Variants in GAN observed in about 807,000 individuals in gnomAD.
GAN encodes the protein epididymis secretory sperm binding protein.
In GAN, 48 loss-of-function variants were observed where a neutral mutation model predicts 71.3. The observed-to-expected ratio is 0.67, with a 90% CI of 0.53 to 0.86. GAN has a LOEUF of 0.86. GAN is among the 40% of genes least tolerant of loss of function. The pLI is 0.00. For synonymous variants in GAN, 386 were observed against 276.8 expected (o/e 1.39, Z -3.92); for missense variants, 928 against 770.1 (o/e 1.21, Z -2.43).
Position 81,381,917 on chromosome 16 carries a change from A to G in GAN, c.*4321A>G, listed in dbSNP as rs1245845300. ...CGGCCTCCTATATGGAGCTGAAACT[A>G]GTATAGCATAAACAATGCCAAGTGC... is the stretch of plus-strand genomic sequence containing the variant. On this transcript the variant is annotated 3_prime_UTR_variant, in exon 11 of 11. Transcript: ENST00000648994. 6.6e-6 allele frequency: 1 copy of G among 152,220 alleles called. No homozygotes were observed. The highest frequency in any genetic ancestry group is 6.5e-5 in the Admixed American group (1 of 15,290). 9.4% of individuals were successfully genotyped at this position (152,220 alleles called of 1,614,324 possible).
chr16:81,325,986 C>T (rs1909372833), intron 1 of GAN, among the ~76,000 whole-genome samples: 1 of 152,170 alleles, frequency 6.6e-6, no homozygotes, highest in African/African-American at 2.4e-5. Context: ...TCATATTCAT[C>T]CTTCAAGGCC....
intron 9 of GAN, among the ~76,000 whole-genome samples, chr16:81,366,001 G>C (rs1319293143): frequency 6.6e-6 from 1 of 151,680 alleles, no homozygotes; most frequent in African/African-American, 2.4e-5. Context: ...CTGCAAACAT[G>C]TGTGGTTGTC....
intron 1 of GAN, among the ~76,000 whole-genome samples, chr16:81,318,582 C>T (rs1187665312): frequency 6.6e-6 from 1 of 152,230 alleles, no homozygotes; most frequent in Admixed American, 6.5e-5. Context: ...CAGTCCAACT[C>T]TGTCACACTG....
rs767263153 is a variant in GAN, at chr16:81,315,170, G to A, written c.57G>A (p.Ala19=). The change falls in exon 1 of 11, where the codon GCG becomes GCA. Residue 19 remains alanine (A), a synonymous_variant. Transcript: ENST00000648994. ...AGCACGCCGCGCGTCTGCTGCGAGC[G>A]CTCAGCTCTTTCCGCGAGGAGTCTC... ...DPQHAARLLR[A]LSSFREESRF... 6.4e-6 allele frequency: 10 copies of A among 1,563,000 alleles called. No homozygotes were observed. In the East Asian group the frequency reaches 2.2e-4, roughly 35 times the overall value.
intron 9 of GAN, among the ~76,000 whole-genome samples, chr16:81,376,744 G>A (rs1240635843): frequency 6.6e-6 from 1 of 151,902 alleles, no homozygotes; most frequent in Non-Finnish European, 1.5e-5. Flanking sequence ...TGAATGTGGT[G>A]GTGCACACCT....
intron 1 of GAN, among the ~76,000 whole-genome samples, chr16:81,332,311 C>T (rs895929521): frequency 1.3e-5 from 2 of 152,136 alleles, no homozygotes; most frequent in Non-Finnish European, 2.9e-5. Context: ...TGTGGGGTTG[C>T]AGCAGGCAGT....
Position 81,373,388 on chromosome 16 carries a change from G to A in GAN, c.1503-3831G>A, listed in dbSNP as rs150746384. 6.7e-3 allele frequency among the ~76,000 whole-genome samples: 1,017 copies of A among 152,258 alleles called. 6 individuals are homozygous for A. Among genetic ancestry groups the A allele is most frequent in the Middle Eastern group, 0.02 (6 of 294 alleles). ...ATTGTTCATTTACATTACCCTGAGGGAACATTATTATTACATAGCAGGGTC... is the reference window on the plus strand; with the variant it reads ...ATTGTTCATTTACATTACCCTGAGGAAACATTATTATTACATAGCAGGGTC... On this transcript the variant is annotated intron_variant, in intron 9 of 10. Coordinates refer to ENST00000648994, the MANE Select transcript of GAN (RefSeq NM_022041.4).
intron 1 of GAN, 25 bp downstream of exon 1, chr16:81,315,305 GGCGC>G: frequency 6.7e-7 from 1 of 1,487,682 alleles, no homozygotes; most frequent in Non-Finnish European, 9.0e-7. Context: ...ACGGCGGGCG[GGCGC>G]GGCGGTGCTG....
chr16:81,355,622 C>G (rs1194957737), intron 3 of GAN, among the ~76,000 whole-genome samples: 1 of 152,208 alleles, frequency 6.6e-6, no homozygotes, highest in Non-Finnish European at 1.5e-5. Flanking sequence ...TCTAGCTTCC[C>G]AAAGTGCTGG....
intron 5 of GAN, among the ~76,000 whole-genome samples, chr16:81,361,945 T>C (rs1439493616): frequency 6.6e-6 from 1 of 152,236 alleles, no homozygotes; most frequent in Non-Finnish European, 1.5e-5. Context: ...GTAGCTTGGC[T>C]TCCAAAAGTG....
At chr16:81,315,793 C>T (rs1175894949) in intron 1 of GAN, among the ~76,000 whole-genome samples, 2 of 152,258 alleles carry the variant, frequency 1.3e-5, no homozygotes, top group African/African-American at 4.8e-5. Context: ...GGGGAGCGCC[C>T]TGCCCGCTGG....
chr16:81,338,525 T>G (rs1909840176), intron 1 of GAN, among the ~76,000 whole-genome samples: 1 of 152,156 alleles, frequency 6.6e-6, no homozygotes, highest in African/African-American at 2.4e-5. Flanking sequence ...GAGAAAATTC[T>G]AGATAAAAAA....
chr16:81,368,653 C>A (rs894668836), intron 9 of GAN, among the ~76,000 whole-genome samples: 6 of 152,122 alleles, frequency 3.9e-5, no homozygotes, highest in Non-Finnish European at 7.4e-5. Flanking sequence ...CTTTGCAACT[C>A]ATCAGTTGCC....
intron 9 of GAN, among the ~76,000 whole-genome samples, chr16:81,365,943 T>C (rs1047572879): frequency 2.0e-5 from 3 of 152,154 alleles, no homozygotes; most frequent in Non-Finnish European, 2.9e-5. Context: ...ATATGGCCTT[T>C]GCTTTTTCTG....
rs949666173 is a variant in GAN at position 81,379,715 on chromosome 16, A to G, written c.*2119A>G. On this transcript the variant is annotated 3_prime_UTR_variant, in exon 11 of 11. Transcript: ENST00000648994. ...GGCATTCAGCAGCTGTAATTGGGGA[A>G]CATTAAAACAGTAACTGACATCCAG... 3 of 152,228 alleles carry G rather than the reference A, an allele frequency of 2.0e-5. No individual in the cohort carries two copies. Among genetic ancestry groups the G allele is most frequent in the Non-Finnish European group, 2.9e-5 (2 of 68,044 alleles). The allele number at this position is 152,228 out of a possible 1,614,324, so 9.4% of individuals were successfully genotyped here.
chr16:81,322,764 T>C (rs186246402), intron 1 of GAN, among the ~76,000 whole-genome samples: 5 of 152,338 alleles, frequency 3.3e-5, no homozygotes, highest in African/African-American at 4.8e-5. Context: ...CTCTGAATAA[T>C]AGTAAATGGT....
rs2150701672 is a variant in GAN at position 81,382,226 on chromosome 16, AG to A, written c.*4632del. The A allele has an allele frequency of 6.6e-6, 1 of 152,298 alleles. No individual in the cohort carries two copies. The highest frequency in any genetic ancestry group is 1.5e-5 in the Non-Finnish European group (1 of 68,020). The allele number at this position is 152,298 out of a possible 1,614,324, so 9.4% of individuals were successfully genotyped here. On this transcript the variant is annotated 3_prime_UTR_variant, in exon 11 of 11. Coordinates refer to ENST00000648994, the MANE Select transcript of GAN (RefSeq NM_022041.4). The stretch of plus-strand genomic sequence containing the variant: ...GGAGCAAGAACCAAAAGCAGAAGCC[AG>A]GTCTTTGGATTATCAGCTCACCAGT...
chr16:81,361,701 G>T (rs901564267), intron 5 of GAN, among the ~76,000 whole-genome samples: 1 of 151,982 alleles, frequency 6.6e-6, no homozygotes, highest in Non-Finnish European at 1.5e-5. Flanking sequence ...GATTATTATT[G>T]TTGTTATTTT....
intron 1 of GAN, among the ~76,000 whole-genome samples, chr16:81,332,373 C>T (rs1205340319): frequency 6.6e-6 from 1 of 152,084 alleles, no homozygotes; most frequent in African/African-American, 2.4e-5. Context: ...GAGCTATGTG[C>T]CCTAAGTGCT....
Sources: allele counts gnomAD v4.1 joint callset (sites outside exome capture counted in the v4.1 genomes callset), GRCh38; gene constraint gnomAD v4.1.1; transcripts MANE v1.5; gene names NCBI Gene and HGNC (gene_info 2026-07-23, HGNC 2026-07-21).